The following TOP1MT variants were observed in gnomAD, a reference collection of about 807,000 sequenced individuals.
TOP1MT encodes DNA topoisomerase I, mitochondrial.
In TOP1MT, 80 loss-of-function variants were observed where a neutral mutation model predicts 73.9. The observed-to-expected ratio is 1.08, with a 90% CI of 0.90 to 1.30. The LOEUF is 1.30. Ranked by LOEUF, TOP1MT falls within the 50% of genes most tolerant of loss-of-function variation. The pLI is 0.00. For missense variants in TOP1MT, 815 were observed against 808.0 expected (o/e 1.01, Z -0.10); for synonymous variants, 338 against 326.4 (o/e 1.04, Z -0.38).
intron 7 of TOP1MT, among the ~76,000 whole-genome samples, chr8:143,323,022 AC>A (rs1563760667): frequency 1.1e-3 from 43 of 38,282 alleles, no homozygotes; most frequent in South Asian, 9.1e-3. Context: ...ACACACATGC[AC>A]ACACACACAT....
At chr8:143,314,773 T>C (rs528445693) in intron 12 of TOP1MT, among the ~76,000 whole-genome samples, 3 of 152,242 alleles carry the variant, frequency 2.0e-5, no homozygotes, top group East Asian at 3.9e-4. Context: ...AGTTATACTA[T>C]ATATAGATCA....
intron 8 of TOP1MT, among the ~76,000 whole-genome samples, chr8:143,318,618 G>A (rs1257764625): frequency 6.6e-6 from 1 of 152,146 alleles, no homozygotes; most frequent in Non-Finnish European, 1.5e-5. Context: ...CCTCCTACAA[G>A]TGGCAGGCAC....
upstream of TOP1MT, among the ~76,000 whole-genome samples, chr8:143,357,405 CAAA>C (rs35053879): frequency 8.1e-5 from 7 of 86,250 alleles, no homozygotes; most frequent in Non-Finnish European, 8.5e-5. Context: ...GACCTTGTCT[CAAA>C]AAAAAAAAAA....
At position 143,329,447 on chromosome 8, in the gene TOP1MT, G is replaced by A; in HGVS notation, c.263C>T (p.Ala88Val). Reference sequence around the variant, plus strand: ...ATAAAAAGTGGCGACCTCCTCCGCTGCCACGCTCAATCTCACAGGCCTTCC... The same window carrying A: ...ATAAAAAGTGGCGACCTCCTCCGCTACCACGCTCAATCTCACAGGCCTTCC... The part of the protein sequence containing the change: ...YEGRPVRLSV[A>V]AEEVATFYGR... Residue 88 changes from alanine to valine, a missense_variant, in exon 3 of 14, where the codon GCA becomes GTA. Physicochemically the swap from Ala to Val is moderately conservative, Grantham distance 64 (BLOSUM62 0). Transcript: ENST00000329245. The A allele has an allele frequency of 6.2e-7, 1 of 1,610,534 alleles. No individual in the cohort carries two copies. The highest frequency in any genetic ancestry group is 8.5e-7 in the Non-Finnish European group (1 of 1,179,060).
intron 5 of TOP1MT, 104 bp from the exon 6 acceptor site, chr8:143,324,733 G>A: frequency 1.4e-6 from 2 of 1,410,282 alleles, no homozygotes; most frequent in African/African-American, 2.9e-5. Context: ...GGCTATGGTG[G>A]TGGCATGGCT....
In TOP1MT at chr8:143,322,839, C is replaced by CACGCG; in HGVS notation, c.960+1159_960+1160insCGCGT. ...CACACAGGCACGCCACACACGCACA[C>CACGCG]CACACACGCACGCAACACACACGCA... is the stretch of plus-strand genomic sequence containing the variant. On this transcript the variant is annotated intron_variant, in intron 7 of 13. Transcript: ENST00000329245. Among the ~76,000 whole-genome samples the CACGCG allele has an allele frequency of 4.7e-5, 2 of 42,702 alleles. 1 individual carries two copies. Among genetic ancestry groups the CACGCG allele is most frequent in the African/African-American group, 1.0e-4 (2 of 19,086 alleles). 28.0% of individuals were successfully genotyped at this position (42,702 alleles called of 152,430 possible). A position where few individuals can be genotyped will look rare whatever the true frequency, so the allele number is the denominator to read the frequency against.
chr8:143,315,168 C>T (rs1816121782), intron 12 of TOP1MT, among the ~76,000 whole-genome samples: 2 of 152,164 alleles, frequency 1.3e-5, no homozygotes, highest in Admixed American at 1.3e-4. Context: ...GAGGGCCTGA[C>T]ATCAGTCAGG....
rs771357716 is a variant in TOP1MT, at chr8:143,324,642, A to G, written c.672-13T>C. On this transcript the variant is annotated splice_polypyrimidine_tract_variant and intron_variant, in intron 5 of 13. Coordinates refer to ENST00000329245, the MANE Select transcript of TOP1MT (RefSeq NM_052963.3). ...GATCTTCGAGTCCCTGCAGCAGAAC[A>G]ACGACCCAAACATAACTTGGAGACC... 5.6e-6 allele frequency: 9 copies of G among 1,610,832 alleles called. No homozygotes were observed. In the Admixed American group the frequency reaches 1.3e-4, roughly 24 times the overall value.
At chr8:143,334,551 T>C (rs1415335525) in intron 1 of TOP1MT, among the ~76,000 whole-genome samples, 189 bp downstream of exon 1, 3 of 152,050 alleles carry the variant, frequency 2.0e-5, no homozygotes, top group African/African-American at 7.2e-5. Flanking sequence ...GGCGACGTCA[T>C]GGGGGGGCCT....
At chr8:143,346,997 A>G (rs1817233911), upstream of TOP1MT, among the ~76,000 whole-genome samples, 1 of 146,848 alleles carries the variant, frequency 6.8e-6, no homozygotes, top group Non-Finnish European at 1.5e-5. Context: ...TTATTTATTT[A>G]TTTTGAGAGA....
In TOP1MT at chr8:143,326,278, T is replaced by A; in HGVS notation, c.427A>T (p.Arg143Ter). 1 of 1,614,042 alleles carries A rather than the reference T, an allele frequency of 6.2e-7. No homozygotes were observed. The highest frequency in any genetic ancestry group is 8.5e-7 in the Non-Finnish European group (1 of 1,180,030). Reference protein sequence around the residue: ...LDKCDFTEIHRYFVDKAAARK... With the variant: ...LDKCDFTEIH ...GCTGCGGCCTTGTCCACAAAGTATC[T>A]GTGGATCTCCGTGAAGTCACACTTG... Residue 143 changes from arginine (R) to a stop codon, truncating the protein, a stop_gained, in exon 4 of 14, where the codon AGA (arginine) becomes TGA (stop). Transcript: ENST00000329245. LOFTEE classifies it high-confidence loss of function.
intron 3 of TOP1MT, chr8:143,328,093 ATTG>A (rs1816754201): frequency 1.6e-5 from 6 of 381,126 alleles, no homozygotes; most frequent in South Asian, 7.9e-5. Context: ...TTCCAAAGAC[ATTG>A]TTAAGAGAAC....
intron 11 of TOP1MT, 58 bp downstream of exon 11, chr8:143,315,941 T>TGGGGAG (rs1237127205): frequency 1.2e-6 from 2 of 1,612,028 alleles, no homozygotes; most frequent in Non-Finnish European, 1.7e-6. Context: ...GCCGAGGCTC[T>TGGGGAG]GGGGAGGGGG....
chr8:143,354,165 C>T (rs1005868521), intron 1 of TOP1MT, among the ~76,000 whole-genome samples: 1 of 151,924 alleles, frequency 6.6e-6, no homozygotes, highest in African/African-American at 2.4e-5. Context: ...AAATGTACAT[C>T]AGCAGACGAA....
In TOP1MT at chr8:143,310,052, C is replaced by A. The variant is rs953861870; in HGVS notation, c.1703+16G>T. 11 of 1,609,852 alleles carry A rather than the reference C, an allele frequency of 6.8e-6. No homozygotes were observed. In the African/African-American group the frequency reaches 1.5e-4, roughly 21 times the overall value. On this transcript the variant is annotated intron_variant, in intron 13 of 13. Coordinates refer to ENST00000329245, the MANE Select transcript of TOP1MT (RefSeq NM_052963.3). ...CATAGGCCACAGGTGGGAACTGAGA[C>A]CCCAGGCACACGCACCAGGCAATGC...
chr8:143,332,854 A>G (rs527665425), intron 1 of TOP1MT, among the ~76,000 whole-genome samples: 2 of 151,866 alleles, frequency 1.3e-5, no homozygotes, highest in South Asian at 4.2e-4. Context: ...AGTACAAAAA[A>G]ACTAGCTGGC....
At chr8:143,338,462 G>A (rs531383456), upstream of TOP1MT, among the ~76,000 whole-genome samples, 21 of 152,160 alleles carry the variant, frequency 1.4e-4, no homozygotes, top group South Asian at 3.5e-3. Context: ...AGCTACTCGG[G>A]AGGCTGAAAC....
intron 7 of TOP1MT, among the ~76,000 whole-genome samples, chr8:143,321,931 G>C (rs1335207784): frequency 2.0e-5 from 1 of 50,444 alleles, no homozygotes; most frequent in Non-Finnish European, 3.8e-5. Context: ...ACACATGCAC[G>C]CCACACACGC....
upstream of TOP1MT, among the ~76,000 whole-genome samples, chr8:143,335,403 T>C (rs1816965746): frequency 6.6e-6 from 1 of 152,168 alleles, no homozygotes; most frequent in Non-Finnish European, 1.5e-5. Context: ...TCAGAGGTGG[T>C]GCCTCTGGAC....
Sources: allele counts gnomAD v4.1 joint callset (sites outside exome capture counted in the v4.1 genomes callset), GRCh38; gene constraint gnomAD v4.1.1; transcripts MANE v1.5; gene names NCBI Gene and HGNC (gene_info 2026-07-23, HGNC 2026-07-21).